The following MAGI1 variants were observed in gnomAD, a reference collection of about 807,000 sequenced individuals.
The protein encoded by MAGI1 is membrane-associated guanylate kinase, WW and PDZ domain-containing protein 1.
A neutral mutation model predicts 139.9 loss-of-function variants in MAGI1; 58 were observed. That is an observed-to-expected ratio of 0.41 (90% confidence interval 0.34 to 0.52). MAGI1 has a LOEUF of 0.52. Among genes scored for constraint, MAGI1 ranks in the 20% least tolerant of loss-of-function variants. The probability of loss-of-function intolerance (pLI) is 0.12; values close to 1 mark genes in which losing one functional copy is unlikely to be tolerated. For synonymous variants in MAGI1, 812 were observed against 737.9 expected (o/e 1.10, Z -1.63); for missense variants, 1,874 against 1,901.6 (o/e 0.99, Z 0.27).
At chr3:65,814,817 C>T (rs1430519535) in intron 1 of MAGI1, among the ~76,000 whole-genome samples, 1 of 152,094 alleles carries the variant, frequency 6.6e-6, no homozygotes, top group Non-Finnish European at 1.5e-5. Context: ...TTGATTTGAT[C>T]ATTTTAAAAC....
intron 1 of MAGI1, among the ~76,000 whole-genome samples, chr3:65,653,608 C>A (rs1013824626): frequency 1.3e-5 from 2 of 152,146 alleles, no homozygotes; most frequent in Non-Finnish European, 2.9e-5. Context: ...TTGCATTTAA[C>A]AATTCCCTAA....
chr3:65,910,037 G>A (rs920614452), intron 1 of MAGI1, among the ~76,000 whole-genome samples: 13 of 152,132 alleles, frequency 8.5e-5, no homozygotes, highest in Non-Finnish European at 5.9e-5. Context: ...ACAGGAGGCG[G>A]AACTCAGGCA....
At chr3:65,694,825 T>C (rs1459221875) in intron 1 of MAGI1, among the ~76,000 whole-genome samples, 3 of 152,214 alleles carry the variant, frequency 2.0e-5, no homozygotes, top group Non-Finnish European at 2.9e-5. Flanking sequence ...CATAACAAAA[T>C]ACTGCAATCA....
intron 2 of MAGI1, among the ~76,000 whole-genome samples, chr3:65,548,065 GGCAATAACCA>G (rs2079588901): frequency 1.3e-5 from 2 of 152,236 alleles, no homozygotes; most frequent in South Asian, 2.1e-4. Context: ...GCAACCCTGC[GGCAATAACCA>G]GCAATAACCA....
intron 2 of MAGI1, chr3:65,499,161 T>C (rs145177583): frequency 3.1e-4 from 121 of 396,374 alleles, no homozygotes; most frequent in African/African-American, 2.4e-3. Context: ...GGCTGTGGTC[T>C]CTAGGAAAAA....
chr3:65,870,901 A>C (rs2108487235), intron 1 of MAGI1, among the ~76,000 whole-genome samples: 1 of 151,992 alleles, frequency 6.6e-6, no homozygotes, highest in East Asian at 2.0e-4. Flanking sequence ...TGGGCAATAA[A>C]TTGAGATGAG....
intron 2 of MAGI1, among the ~76,000 whole-genome samples, chr3:65,611,265 T>C (rs1368581940): frequency 7.1e-6 from 1 of 141,774 alleles, no homozygotes; most frequent in East Asian, 2.1e-4. Context: ...ATATATAGTA[T>C]ATATACTATA....
intron 1 of MAGI1, among the ~76,000 whole-genome samples, chr3:65,990,073 A>C (rs931253422): frequency 1.3e-5 from 2 of 152,220 alleles, no homozygotes; most frequent in Non-Finnish European, 2.9e-5. Context: ...GATGATGATG[A>C]TGATAATGAA....
At position 65,495,840 on chromosome 3, in the gene MAGI1, T is replaced by C. The variant is rs942341881; in HGVS notation, c.431-2209A>G. 4.6e-5 allele frequency among the ~76,000 whole-genome samples: 7 copies of C among 151,912 alleles called. 1 individual carries two copies. The highest frequency in any genetic ancestry group is 7.4e-5 in the Non-Finnish European group (5 of 67,980). The stretch of plus-strand genomic sequence containing the variant: ...CAGGCAGAGGGAAGGGAAAAGGCTT[T>C]GATACGGGTGTGATCTGGTGTGTTC... On this transcript the variant is annotated intron_variant, in intron 2 of 22. Transcript: ENST00000402939.
chr3:65,379,391 G>A lies in MAGI1; in HGVS notation c.2865C>T (p.Gly955=), dbSNP rs747001044. 19 of 1,612,548 alleles carry A rather than the reference G, an allele frequency of 1.2e-5. No homozygotes were observed. Among genetic ancestry groups the A allele is most frequent in the South Asian group, 7.7e-5 (7 of 90,996 alleles). ...TGCTGACCACGCCGCTGCCCCCGCC[G>A]CCGCCACTGCCGATGCCGCTGGTGC... ...SGSTSGIGSG[G]GGGSGVVSTV... is the part of the protein sequence containing the mutation. The change falls in exon 17 of 23, where the codon GGC becomes GGT. Residue 955 remains glycine, a synonymous_variant. Transcript: ENST00000402939.
At chr3:65,928,323 G>A (rs1002608574) in intron 1 of MAGI1, among the ~76,000 whole-genome samples, 3 of 152,212 alleles carry the variant, frequency 2.0e-5, no homozygotes, top group African/African-American at 7.2e-5. Flanking sequence ...TCCCTGCCCA[G>A]AGCTGGTTCT....
At chr3:65,545,690 C>A (rs1264202053) in intron 2 of MAGI1, among the ~76,000 whole-genome samples, 5 of 152,048 alleles carry the variant, frequency 3.3e-5, no homozygotes, top group Admixed American at 2.6e-4. Flanking sequence ...ATGAAGACTT[C>A]TCGAGAGGCC....
intron 18 of MAGI1, among the ~76,000 whole-genome samples, chr3:65,373,502 G>A (rs1942198926): frequency 1.3e-5 from 2 of 152,284 alleles, no homozygotes; most frequent in East Asian, 1.9e-4. Flanking sequence ...GTGAGCACCC[G>A]CTGTTGGAAA....
intron 1 of MAGI1, among the ~76,000 whole-genome samples, chr3:65,849,693 C>T (rs889185746): frequency 4.6e-5 from 7 of 151,996 alleles, no homozygotes; most frequent in African/African-American, 1.7e-4. Context: ...TCTGTAAGTG[C>T]TTAATAAATG....
At chr3:65,448,559 T>C (rs1460765084) in intron 6 of MAGI1, among the ~76,000 whole-genome samples, 1 of 152,196 alleles carries the variant, frequency 6.6e-6, no homozygotes, top group Non-Finnish European at 1.5e-5. Flanking sequence ...GACTGTATAA[T>C]GAGCTAACTT....
At chr3:65,848,755 G>A (rs1045676705) in intron 1 of MAGI1, among the ~76,000 whole-genome samples, 2 of 151,932 alleles carry the variant, frequency 1.3e-5, no homozygotes, top group African/African-American at 2.4e-5. Flanking sequence ...GTTCTTGATC[G>A]TTATTTAAAC....
At chr3:65,439,557 G>T (rs780267628) in intron 9 of MAGI1, among the ~76,000 whole-genome samples, 1 of 152,132 alleles carries the variant, frequency 6.6e-6, no homozygotes, top group African/African-American at 2.4e-5. Flanking sequence ...TGCTAAAAGT[G>T]GTTTGGATTT....
chr3:65,727,264 G>C (rs1473815041), intron 1 of MAGI1, among the ~76,000 whole-genome samples: 1 of 152,186 alleles, frequency 6.6e-6, no homozygotes, highest in Non-Finnish European at 1.5e-5. Context: ...AATTTTACCA[G>C]AGTTAGGAAT....
chr3:65,898,931 T>A (rs921449740), intron 1 of MAGI1, among the ~76,000 whole-genome samples: 4 of 152,182 alleles, frequency 2.6e-5, no homozygotes, highest in South Asian at 4.1e-4. Flanking sequence ...TTAAAAAAAT[T>A]TTTTTTTGAG....
Sources: gnomAD v4.1 joint callset for allele counts (sites outside exome capture counted in the v4.1 genomes callset) on GRCh38, gnomAD v4.1.1 for gene constraint, MANE v1.5 for transcripts, NCBI Gene and HGNC (gene_info 2026-07-23, HGNC 2026-07-21) for gene names.